The following DYSF variants were observed in gnomAD, a reference collection of about 807,000 sequenced individuals.
The protein encoded by DYSF is dystrophy-associated fer-1-like 1.
DYSF carries 212 observed loss-of-function variants against 274.9 expected under a neutral mutation model. That is an observed-to-expected ratio of 0.77 (90% CI 0.69 to 0.86). DYSF has a LOEUF of 0.86. Ranked by LOEUF, DYSF falls within the 40% of genes least tolerant of loss-of-function variation. The pLI is 0.00. For synonymous variants in DYSF, 1,091 were observed against 1,078.7 expected (o/e 1.01, Z -0.22); for missense variants, 2,666 against 2,783.2 (o/e 0.96, Z 0.95).
upstream of DYSF, among the ~76,000 whole-genome samples, chr2:71,462,299 G>A (rs1016471997): frequency 1.3e-5 from 2 of 152,174 alleles, no homozygotes; most frequent in African/African-American, 4.8e-5. Context: ...GTGCCAGGCT[G>A]CGGCTGGGCC....
rs76937570 is a variant in DYSF at position 71,538,421 on chromosome 2, A to G, written c.1494-736A>G. Among the ~76,000 whole-genome samples, 1,490 of 152,282 alleles carry G rather than the reference A, an allele frequency of 9.8e-3. 23 individuals are homozygous for G. The highest frequency in any genetic ancestry group is 0.034 in the African/African-American group (1,428 of 41,554). ...GGGAGCCAAGAAGTGTCCCCCTGGA[A>G]GCAGGCCCTATGCCATGCAGGAGCA... On this transcript the variant is annotated intron_variant, in intron 16 of 55. Coordinates refer to ENST00000410020, the MANE Select transcript of DYSF (RefSeq NM_001130987.2).
At chr2:71,592,643 G>T (rs1484798148) in intron 32 of DYSF, among the ~76,000 whole-genome samples, 1 of 152,240 alleles carries the variant, frequency 6.6e-6, no homozygotes, top group African/African-American at 2.4e-5. Context: ...GCCTGGCACA[G>T]TGTCTGTCAC....
At chr2:71,504,223 A>G (rs146039573) in intron 4 of DYSF, among the ~76,000 whole-genome samples, 153 of 152,164 alleles carry the variant, frequency 1.0e-3, no homozygotes, top group Middle Eastern at 3.4e-3. Flanking sequence ...CTGGACCAGG[A>G]GCTCATCCCC....
chr2:71,685,615 A>G (rs1411826051), intron 55 of DYSF, among the ~76,000 whole-genome samples: 4 of 152,014 alleles, frequency 2.6e-5, no homozygotes, highest in South Asian at 2.1e-4. Context: ...CTAATCCCCT[A>G]CCCTCTTGGA....
intron 30 of DYSF, among the ~76,000 whole-genome samples, chr2:71,585,803 C>T (rs2093047193): frequency 1.3e-5 from 2 of 152,094 alleles, no homozygotes; most frequent in African/African-American, 4.8e-5. Context: ...CTCAGTGGGA[C>T]AAGCAGATGG....
chr2:71,680,389 G>C (rs1296294995), intron 53 of DYSF, among the ~76,000 whole-genome samples: 1 of 152,138 alleles, frequency 6.6e-6, no homozygotes, highest in African/African-American at 2.4e-5. Flanking sequence ...CTGTGTGGAG[G>C]AAGAAATTTG....
Position 71,461,239 on chromosome 2 carries a change from C to T in DYSF, c.88+7153C>T, listed in dbSNP as rs914319876. Among the ~76,000 whole-genome samples the T allele has an allele frequency of 1.3e-4, 20 of 152,268 alleles. 1 individual carries two copies. Among genetic ancestry groups the T allele is most frequent in the East Asian group, 3.9e-4 (2 of 5,178 alleles). On this transcript the variant is annotated intron_variant, in intron 1 of 54. Coordinates refer to the DYSF transcript ENST00000258104. ...ATAGTTATTCCTGACCATTGTGATGCGTGCTAAGAAGGAAAAGGGCTGCTG... is the reference window on the plus strand; with the variant it reads ...ATAGTTATTCCTGACCATTGTGATGTGTGCTAAGAAGGAAAAGGGCTGCTG...
chr2:71,621,793 G>C (rs1477683980), intron 41 of DYSF, among the ~76,000 whole-genome samples: 1 of 152,042 alleles, frequency 6.6e-6, no homozygotes, highest in Admixed American at 6.6e-5. Flanking sequence ...CTGAGTAGCT[G>C]GGACTACAGG....
intron 36 of DYSF, among the ~76,000 whole-genome samples, chr2:71,609,309 A>G (rs2093704610): frequency 6.6e-6 from 1 of 152,144 alleles, no homozygotes; most frequent in Non-Finnish European, 1.5e-5. Context: ...GCATCATGTC[A>G]CCTGCATTGT....
chr2:71,645,835 A>G (rs1329522418), intron 42 of DYSF, among the ~76,000 whole-genome samples: 4 of 152,152 alleles, frequency 2.6e-5, no homozygotes, highest in African/African-American at 4.8e-5. Context: ...GTACCCCGCA[A>G]TTACCTCCCA....
At chr2:71,674,734 G>C (rs4852819) in intron 52 of DYSF, among the ~76,000 whole-genome samples, 91,363 of 152,092 alleles carry the variant, frequency 0.6, 27,842 homozygotes, top group Non-Finnish European at 0.65. Context: ...ATTACCCCCA[G>C]ACAGGGTTCT....
intron 35 of DYSF, among the ~76,000 whole-genome samples, chr2:71,602,303 C>T (rs1051132773): frequency 2.0e-5 from 3 of 152,094 alleles, no homozygotes; most frequent in Non-Finnish European, 2.9e-5. Context: ...CTTGGGAGGC[C>T]CTCCCTTCAT....
intron 38 of DYSF, among the ~76,000 whole-genome samples, chr2:71,612,349 C>T (rs2093782584): frequency 6.6e-6 from 1 of 152,174 alleles, no homozygotes; most frequent in African/African-American, 2.4e-5. Flanking sequence ...ACTCCCCTCG[C>T]CCGCTCCCCA....
intron 17 of DYSF, among the ~76,000 whole-genome samples, chr2:71,547,787 A>G (rs969967558): frequency 6.6e-6 from 1 of 152,206 alleles, no homozygotes; most frequent in African/African-American, 2.4e-5. Flanking sequence ...TTAGGGGGAC[A>G]TCTGCATCTG....
At chr2:71,669,812 A>G (rs2095087126) in intron 51 of DYSF, 66 bp downstream of exon 51, 1 of 1,606,082 alleles carries the variant, frequency 6.2e-7, no homozygotes, top group South Asian at 1.1e-5. Context: ...TGACCTGACC[A>G]CCACGTCCCT....
At chr2:71,485,883 G>C (rs1390173482) in intron 3 of DYSF, among the ~76,000 whole-genome samples, 2 of 152,088 alleles carry the variant, frequency 1.3e-5, no homozygotes, top group Non-Finnish European at 2.9e-5. Flanking sequence ...GTACGTTCTT[G>C]GCTCACTGCA....
At chr2:71,543,145 G>C (rs189180698) in intron 17 of DYSF, among the ~76,000 whole-genome samples, 1 of 150,366 alleles carries the variant, frequency 6.7e-6, no homozygotes, top group African/African-American at 2.5e-5. Flanking sequence ...CTTCCCAGAC[G>C]GGGTGGCTGC....
Position 71,644,003 on chromosome 2 carries a change from C to A in DYSF, c.4566C>A (p.Ala1522=). The A allele has an allele frequency of 6.2e-7, 1 of 1,612,476 alleles. No individual in the cohort carries two copies. The highest frequency in any genetic ancestry group is 8.5e-7 in the Non-Finnish European group (1 of 1,179,426). ...TCGATTGGTGGAGCAAATTCTTTGC[C>A]TCCATAGGGGAGAGGGAAAAGTGCG... The part of the protein sequence containing the change: ...EFIDWWSKFF[A]SIGEREKCGS... Residue 1522 remains alanine (A), a synonymous_variant, in exon 42 of 56, where the codon GCC becomes GCA. Coordinates refer to ENST00000410020, the MANE Select transcript of DYSF (RefSeq NM_001130987.2).
intron 43 of DYSF, among the ~76,000 whole-genome samples, chr2:71,658,598 G>A (rs2094818737): frequency 1.3e-5 from 2 of 152,234 alleles, no homozygotes; most frequent in South Asian, 4.1e-4. Flanking sequence ...ATGGCAGGAG[G>A]TGAAAGGCAG....
Sources: gnomAD v4.1 joint callset for allele counts (sites outside exome capture counted in the v4.1 genomes callset) on GRCh38, gnomAD v4.1.1 for gene constraint, MANE v1.5 for transcripts, NCBI Gene and HGNC (gene_info 2026-07-23, HGNC 2026-07-21) for gene names.